The following TDRD7 variants were observed in gnomAD, a reference collection of about 807,000 sequenced individuals.
TDRD7 encodes the protein tudor domain-containing protein 7.
In TDRD7, 47 loss-of-function variants were observed where a neutral mutation model predicts 109.8. That is an observed-to-expected ratio of 0.43 (90% CI 0.34 to 0.55). The LOEUF (loss-of-function observed/expected upper bound fraction) is 0.55. Among genes scored for constraint, TDRD7 ranks in the 20% least tolerant of loss-of-function variants. TDRD7 has a pLI of 0.03. For synonymous variants in TDRD7, 424 were observed against 457.3 expected, an observed-to-expected ratio of 0.93 and a Z score of 0.93; for missense variants, 1,164 against 1,319.2, an observed-to-expected ratio of 0.88 and a Z score of 1.82.
intron 1 of TDRD7, among the ~76,000 whole-genome samples, chr9:97,418,656 C>G (rs1239602673): frequency 1.3e-5 from 2 of 152,078 alleles, no homozygotes; most frequent in East Asian, 3.9e-4. Context: ...ATGGTTCTCC[C>G]AAGGGTGGAA....
At chr9:97,484,482 A>T (rs1829177042) in intron 15 of TDRD7, among the ~76,000 whole-genome samples, 2 of 150,550 alleles carry the variant, frequency 1.3e-5, no homozygotes, top group Non-Finnish European at 1.5e-5. Flanking sequence ...ACACACACAC[A>T]CACACACACA....
At chr9:97,469,622 G>A (rs1461733532) in intron 8 of TDRD7, among the ~76,000 whole-genome samples, 1 of 152,072 alleles carries the variant, frequency 6.6e-6, no homozygotes, top group Non-Finnish European at 1.5e-5. Flanking sequence ...TTGTTGTTTT[G>A]TTTGCTTTGT....
chr9:97,464,230 A>G (rs1828782535), intron 7 of TDRD7, among the ~76,000 whole-genome samples: 1 of 152,098 alleles, frequency 6.6e-6, no homozygotes, highest in South Asian at 2.1e-4. Context: ...GTCCTTCCTG[A>G]GGACACTATC....
intron 15 of TDRD7, among the ~76,000 whole-genome samples, chr9:97,485,261 C>CA (rs1288598137): frequency 6.6e-6 from 1 of 152,140 alleles, no homozygotes; most frequent in African/African-American, 2.4e-5. Context: ...TCTTCCTTAC[C>CA]CCAGGCATTC....
chr9:97,439,364 C>A (rs371291635), intron 5 of TDRD7, 46 bp downstream of exon 5: 2 of 1,491,748 alleles, frequency 1.3e-6, no homozygotes, highest in South Asian at 2.3e-5. Flanking sequence ...CTTCCGGAGT[C>A]AAGAAACATA....
Position 97,495,695 on chromosome 9 carries a change from T to C in TDRD7, c.3109T>C (p.Ser1037Pro). Residue 1037 changes from serine (S) to proline (P), a missense_variant, in exon 17 of 17, where the codon TCT (serine) becomes CCT (proline). Ser to Pro is a moderately conservative substitution (Grantham distance 74). Around this residue, in one of 5 missense-constraint regions of TDRD7, gnomAD observed 162 missense variants for 222.5 expected, o/e 0.73. Transcript: ENST00000355295. ...VKCNQWSEEA[S>P]MVFRNHVEKK... Reference sequence around the variant, plus strand: ...GTGCAACCAGTGGTCTGAGGAGGCTTCTATGGTGTTTCGAAATCATGTGGA... The same window carrying C: ...GTGCAACCAGTGGTCTGAGGAGGCTCCTATGGTGTTTCGAAATCATGTGGA... The C allele has an allele frequency of 1.2e-6, 2 of 1,614,210 alleles. No homozygotes were observed. Among genetic ancestry groups the C allele is most frequent in the Non-Finnish European group, 1.7e-6 (2 of 1,180,036 alleles).
intron 15 of TDRD7, 79 bp downstream of exon 15, chr9:97,483,430 G>A (rs1191999649): frequency 6.5e-7 from 1 of 1,545,092 alleles, no homozygotes; most frequent in African/African-American, 1.4e-5. Context: ...ATCTTGGCGG[G>A]GGGACTTCGA....
At chr9:97,494,694 G>GTATATA in intron 16 of TDRD7, among the ~76,000 whole-genome samples, 1 of 135,434 alleles carries the variant, frequency 7.4e-6, no homozygotes, top group African/African-American at 2.7e-5. Flanking sequence ...ATATATATAT[G>GTATATA]TATATATATA....
intron 2 of TDRD7, 152 bp downstream of exon 2, chr9:97,428,824 C>G (rs913509473): frequency 1.9e-5 from 14 of 726,280 alleles, no homozygotes; most frequent in African/African-American, 3.5e-5. Flanking sequence ...GCATGTAAAG[C>G]ACAGCCTACA....
Position 97,464,950 on chromosome 9 carries a change from G to A in TDRD7, c.1551G>A (p.Gly517=). 2 of 1,614,168 alleles carry A rather than the reference G, an allele frequency of 1.2e-6. No individual in the cohort carries two copies. The highest frequency in any genetic ancestry group is 1.3e-5 in the African/African-American group (1 of 75,052). The change falls in exon 8 of 17, where the codon GGG becomes GGA. Residue 517 remains glycine, a synonymous_variant. Transcript: ENST00000355295. ...KITPVQAVNV[G]QLLAVNAEED... Reference sequence around the variant, plus strand: ...CACCAGTCCAGGCTGTGAATGTTGGGCAGTTGCTGGCCGTAAATGCCGAGG... The same window carrying A: ...CACCAGTCCAGGCTGTGAATGTTGGACAGTTGCTGGCCGTAAATGCCGAGG...
At chr9:97,487,683 A>G (rs1465036441) in intron 16 of TDRD7, among the ~76,000 whole-genome samples, 1 of 151,700 alleles carries the variant, frequency 6.6e-6, no homozygotes, top group East Asian at 1.9e-4. Flanking sequence ...TGGTTGTCCT[A>G]CTTGTTTTTA....
intron 16 of TDRD7, among the ~76,000 whole-genome samples, chr9:97,490,872 G>T (rs55940479): frequency 0.016 from 1,887 of 119,274 alleles, 23 homozygotes; most frequent in South Asian, 0.049. Flanking sequence ...CTTTTATAGT[G>T]TTTCTGACCT....
chr9:97,454,305 C>G (rs1273805174), intron 6 of TDRD7, among the ~76,000 whole-genome samples: 1 of 152,068 alleles, frequency 6.6e-6, no homozygotes, highest in Non-Finnish European at 1.5e-5. Context: ...ATGGTGAAAC[C>G]CCATCTCTAC....
chr9:97,461,378 G>A (rs574519486), intron 7 of TDRD7, among the ~76,000 whole-genome samples: 1 of 152,296 alleles, frequency 6.6e-6, no homozygotes, highest in East Asian at 1.9e-4. Context: ...CCTACACACT[G>A]CATAATACTA....
At chr9:97,490,559 G>C (rs556556147) in intron 16 of TDRD7, among the ~76,000 whole-genome samples, 3 of 137,818 alleles carry the variant, frequency 2.2e-5, no homozygotes, top group Non-Finnish European at 3.2e-5. Context: ...TGGGGGGGGG[G>C]GCATTTATCT....
At chr9:97,440,805 C>T (rs1490090112) in intron 5 of TDRD7, among the ~76,000 whole-genome samples, 7 of 152,130 alleles carry the variant, frequency 4.6e-5, no homozygotes, top group Non-Finnish European at 8.8e-5. Flanking sequence ...TTAATATACT[C>T]AGATCTGTAT....
At chr9:97,489,252 A>G (rs1042020929) in intron 16 of TDRD7, among the ~76,000 whole-genome samples, 1 of 152,146 alleles carries the variant, frequency 6.6e-6, no homozygotes, top group Non-Finnish European at 1.5e-5. Flanking sequence ...TAAAATCTCT[A>G]CCTATCAGAG....
chr9:97,475,331 A>G, intron 11 of TDRD7, 52 bp from the exon 12 acceptor site: 1 of 1,386,902 alleles, frequency 7.2e-7, no homozygotes, highest in South Asian at 1.2e-5. Context: ...ATGGTGTAGC[A>G]ATATGCTCTT....
In TDRD7 at chr9:97,412,706, C is replaced by G. The variant is rs550026443; in HGVS notation, c.-7+468C>G. Among the ~76,000 whole-genome samples the G allele has an allele frequency of 6.6e-6, 1 of 152,222 alleles. No homozygotes were observed. On this transcript the variant is annotated intron_variant, in intron 1 of 16. Coordinates refer to ENST00000355295, the MANE Select transcript of TDRD7 (RefSeq NM_014290.3). This position sits in a 1 kb window ranked among gnomAD's most constrained non-coding sequence, Gnocchi z 4.3. ...CAAGTATTTTACACCACGAACTTCTCTTGAAGGTCTCTATAATCTGGAGAC... is the reference window on the plus strand; with the variant it reads ...CAAGTATTTTACACCACGAACTTCTGTTGAAGGTCTCTATAATCTGGAGAC...
Sources: gnomAD v4.1 joint callset for allele counts (sites outside exome capture counted in the v4.1 genomes callset) on GRCh38, gnomAD v4.1.1 for gene constraint, gnomAD v4.1.1 regional missense constraint, Gnocchi (gnomAD v3.1) non-coding constraint, MANE v1.5 for transcripts, NCBI Gene and HGNC (gene_info 2026-07-23, HGNC 2026-07-21) for gene names.